Variants in SVIL observed in about 807,000 individuals in gnomAD.
SVIL encodes archvillin.
Under a neutral mutation model 240.4 loss-of-function variants are expected in SVIL, and 101 were observed. The ratio of observed to expected loss-of-function variants is 0.42; its 90% confidence interval spans 0.36 to 0.50. The LOEUF (loss-of-function observed/expected upper bound fraction) is 0.50. SVIL is among the 20% of genes least tolerant of loss of function. The pLI is 0.01. For synonymous variants in SVIL, 999 were observed against 1,100.0 expected, an observed-to-expected ratio of 0.91 and a Z score of 1.82; for missense variants, 2,512 against 2,818.7, an observed-to-expected ratio of 0.89 and a Z score of 2.46.
chr10:29,723,684 C>T (rs1447616450), intron 1 of SVIL, among the ~76,000 whole-genome samples: 1 of 152,098 alleles, frequency 6.6e-6, no homozygotes, highest in Non-Finnish European at 1.5e-5. Context: ...CTCCTATTTA[C>T]CTATACTTGG....
intron 1 of SVIL, among the ~76,000 whole-genome samples, chr10:29,687,334 T>C (rs1961149200): frequency 6.6e-6 from 1 of 152,238 alleles, no homozygotes; most frequent in African/African-American, 2.4e-5. Context: ...TTTTTTCTCT[T>C]CAAACATTCA....
At chr10:29,708,864 AAAAC>A (rs1224799436) in intron 1 of SVIL, among the ~76,000 whole-genome samples, 1 of 152,120 alleles carries the variant, frequency 6.6e-6, no homozygotes, top group Non-Finnish European at 1.5e-5. Context: ...CAATAGAACA[AAAAC>A]AAACTCAACA....
At position 29,699,716 on chromosome 10, in the gene SVIL, C is replaced by T. The variant is rs567845285; in HGVS notation, c.-399-13065G>A. On this transcript the variant is annotated intron_variant, in intron 1 of 35. Coordinates refer to the SVIL transcript ENST00000375400. ...TCAATTCTTTACTGAGTGTTACTGA[C>T]GAGTTAGGAGGCACTGAAGGTGAAG... is the stretch of plus-strand genomic sequence containing the variant. Among the ~76,000 whole-genome samples the T allele has an allele frequency of 8.5e-5, 13 of 152,290 alleles. No individual in the cohort carries two copies. The South Asian group carries it at 1.5e-3, about 17-fold the overall frequency.
intron 2 of SVIL, among the ~76,000 whole-genome samples, chr10:29,564,960 C>T (rs554854089): frequency 6.6e-6 from 1 of 152,210 alleles, no homozygotes; most frequent in East Asian, 1.9e-4. Flanking sequence ...CAGAAATGTA[C>T]CCGACTTAAG....
chr10:29,466,249 A>T (rs1341368238), intron 33 of SVIL, among the ~76,000 whole-genome samples: 1 of 151,524 alleles, frequency 6.6e-6, no homozygotes, highest in Non-Finnish European at 1.5e-5. Flanking sequence ...GTTATATAAC[A>T]TAAATATACA....
intron 1 of SVIL, among the ~76,000 whole-genome samples, chr10:29,632,297 C>G (rs753426780): frequency 2.0e-5 from 3 of 152,048 alleles, no homozygotes; most frequent in Non-Finnish European, 4.4e-5. Flanking sequence ...TCAAGACCAA[C>G]CTGGGCAACA....
In SVIL at chr10:29,550,512, AG is replaced by A. The variant is rs1953205453; in HGVS notation, c.827+84del. 3.9e-5 allele frequency: 54 copies of A among 1,389,372 alleles called. No homozygotes were observed. In the South Asian group the frequency reaches 7.7e-4, roughly 20 times the overall value. The allele number at this position is 1,389,372 out of a possible 1,614,324, so 86.1% of individuals were successfully genotyped here. On this transcript the variant is annotated intron_variant, in intron 6 of 37. Coordinates refer to ENST00000355867, the MANE Select transcript of SVIL (RefSeq NM_021738.3). ...AAGCCTTGACTTCCACATAATGCTT[AG>A]AATAGCCAAACCCTATCACACAGAG... is the stretch of plus-strand genomic sequence containing the variant.
At chr10:29,624,378 A>G (rs1188854690) in intron 1 of SVIL, among the ~76,000 whole-genome samples, 2 of 152,080 alleles carry the variant, frequency 1.3e-5, no homozygotes, top group East Asian at 3.9e-4. Context: ...TCTCTACTAA[A>G]AATACAAAAA....
intron 2 of SVIL, among the ~76,000 whole-genome samples, chr10:29,680,556 C>T (rs1960556815): frequency 6.6e-6 from 1 of 152,178 alleles, no homozygotes; most frequent in Non-Finnish European, 1.5e-5. Flanking sequence ...AGGGCTATCA[C>T]CAAATATTTA....
chr10:29,682,299 G>A (rs2052893157), intron 2 of SVIL, among the ~76,000 whole-genome samples: 1 of 152,168 alleles, frequency 6.6e-6, no homozygotes, highest in Non-Finnish European at 1.5e-5. Context: ...GGAGAAGGCA[G>A]CTGCTGCGTC....
chr10:29,595,993 G>A (rs1461721598), intron 1 of SVIL, among the ~76,000 whole-genome samples: 1 of 152,204 alleles, frequency 6.6e-6, no homozygotes, highest in Non-Finnish European at 1.5e-5. Flanking sequence ...CTTTTCTGCA[G>A]TGTGACCCAA....
intron 7 of SVIL, among the ~76,000 whole-genome samples, chr10:29,534,971 G>A (rs1284676286): frequency 6.6e-6 from 1 of 152,284 alleles, no homozygotes; most frequent in African/African-American, 2.4e-5. Flanking sequence ...TTTGGAGTGG[G>A]AAAAGGGATT....
At position 29,620,501 on chromosome 10, in the gene SVIL, G is replaced by A. The variant is rs146686700; in HGVS notation, c.-201+13919C>T. Among the ~76,000 whole-genome samples, 293 of 152,302 alleles carry A rather than the reference G, an allele frequency of 1.9e-3. 1 individual carries two copies. The highest frequency in any genetic ancestry group is 6.1e-3 in the African/African-American group (252 of 41,554). Reference sequence around the variant, plus strand: ...TCAACTGTGCGGTTATTTTAAAAACGTTCATTCAGTGCAACAGCTGAGCTG... The same window carrying A: ...TCAACTGTGCGGTTATTTTAAAAACATTCATTCAGTGCAACAGCTGAGCTG... On this transcript the variant is annotated intron_variant, in intron 1 of 37. Transcript: ENST00000355867.
At chr10:29,719,465 G>A (rs1963843581) in intron 1 of SVIL, among the ~76,000 whole-genome samples, 1 of 152,114 alleles carries the variant, frequency 6.6e-6, no homozygotes, top group Admixed American at 6.5e-5. Flanking sequence ...ACATTGCAAT[G>A]TCTGGCATCC....
intron 18 of SVIL, among the ~76,000 whole-genome samples, chr10:29,498,315 G>A (rs1948616840): frequency 6.6e-6 from 1 of 151,982 alleles, no homozygotes; most frequent in South Asian, 2.1e-4. Flanking sequence ...CTACTTGGGG[G>A]GCTGAGGCGA....
rs1175800146 is a variant in SVIL, at chr10:29,641,032, T to G, written c.-201+16937A>C. Among the ~76,000 whole-genome samples, 3 of 152,228 alleles carry G rather than the reference T, an allele frequency of 2.0e-5. No individual in the cohort carries two copies. The East Asian group carries it at 5.8e-4, about 29-fold the overall frequency. On this transcript the variant is annotated intron_variant, in intron 3 of 35. Transcript: ENST00000375400. ...AAGCCCACATGGCAAACTTTTTGTC[T>G]TTTTTATATTTTATGTTTTTATTTT...
intron 3 of SVIL, among the ~76,000 whole-genome samples, chr10:29,649,259 C>A (rs1958763378): frequency 6.6e-6 from 1 of 152,146 alleles, no homozygotes; most frequent in African/African-American, 2.4e-5. Context: ...ATATCATCTT[C>A]TCAGAATAAT....
At chr10:29,473,524 T>G in intron 30 of SVIL, 1 of 370,888 alleles carries the variant, frequency 2.7e-6, no homozygotes, top group South Asian at 3.5e-5. Flanking sequence ...CATCTCTTTG[T>G]TTTACTTACA....
chr10:29,680,970 G>C (rs953384308), intron 2 of SVIL, among the ~76,000 whole-genome samples: 2 of 152,018 alleles, frequency 1.3e-5, no homozygotes, highest in Non-Finnish European at 2.9e-5. Context: ...CAACCAGCAG[G>C]CATGGACACT....
Sources: allele counts gnomAD v4.1 joint callset (sites outside exome capture counted in the v4.1 genomes callset), GRCh38; gene constraint gnomAD v4.1.1; transcripts MANE v1.5; gene names NCBI Gene and HGNC (gene_info 2026-07-23, HGNC 2026-07-21).